RYR1: variants seen among roughly 807,000 people sequenced by gnomAD.
The protein encoded by RYR1 is ryanodine receptor 1, also known as central core disease of muscle.
In RYR1, 342 loss-of-function variants were observed where a neutral mutation model predicts 583.5. The ratio of observed to expected loss-of-function variants is 0.59; its 90% CI spans 0.54 to 0.64. The LOEUF is 0.64. RYR1 is among the 30% of genes least tolerant of loss of function. The pLI, the probability that RYR1 is intolerant of heterozygous loss-of-function variation, is 0.00. For synonymous variants in RYR1, 2,791 were observed against 2,822.5 expected (o/e 0.99, Z 0.35); for missense variants, 6,032 against 6,917.2 (o/e 0.87, Z 4.54).
intron 83 of RYR1, 31 bp downstream of exon 83, chr19:38,536,798 C>T: frequency 6.2e-7 from 1 of 1,612,276 alleles, no homozygotes; most frequent in Non-Finnish European, 8.5e-7. Flanking sequence ...CCGTGCTGTG[C>T]TGCTGTCACC....
At chr19:38,559,198 T>C (rs963385995) in intron 89 of RYR1, among the ~76,000 whole-genome samples, 1 of 150,262 alleles carries the variant, frequency 6.7e-6, no homozygotes, top group Non-Finnish European at 1.5e-5. Context: ...GAGGTGATAG[T>C]GTCCCAGGCG....
At chr19:38,575,060 C>T (rs571436889) in intron 96 of RYR1, among the ~76,000 whole-genome samples, 4 of 150,198 alleles carry the variant, frequency 2.7e-5, no homozygotes, top group Non-Finnish European at 4.4e-5. Flanking sequence ...AAAAAAAACT[C>T]GTTGGCCATA....
chr19:38,457,046 C>CAAAAAAAA (rs71165550), intron 16 of RYR1, among the ~76,000 whole-genome samples: 1 of 19,762 alleles, frequency 5.1e-5, no homozygotes, highest in African/African-American at 2.3e-4. Flanking sequence ...ACTCCATCTC[C>CAAAAAAAA]AAAAAAAAAA....
chr19:38,465,990 C>T (rs1466216547), intron 23 of RYR1, 101 bp from the exon 24 acceptor site: 2 of 1,162,214 alleles, frequency 1.7e-6, no homozygotes, highest in Non-Finnish European at 1.2e-6. Context: ...GTCAGAAACG[C>T]CGAAGCTGGG....
At chr19:38,535,494 GAA>G (rs1435710709) in intron 81 of RYR1, 102 bp downstream of exon 81, 1 of 895,740 alleles carries the variant, frequency 1.1e-6, no homozygotes, top group Non-Finnish European at 1.9e-6. Flanking sequence ...TCAGTCCAGG[GAA>G]AGAGACTCAC....
intron 20 of RYR1, among the ~76,000 whole-genome samples, 163 bp from the exon 21 acceptor site, chr19:38,463,260 A>G (rs925026296): frequency 1.3e-5 from 2 of 150,650 alleles, no homozygotes; most frequent in East Asian, 3.9e-4. Context: ...TCTGAGTGTC[A>G]ACCCTGGAGT....
At chr19:38,506,616 T>A in intron 56 of RYR1, 70 bp downstream of exon 56, 1 of 1,577,866 alleles carries the variant, frequency 6.3e-7, no homozygotes, top group Non-Finnish European at 8.7e-7. Flanking sequence ...ATTGCCTTCA[T>A]GCCCCTGAAA....
chr19:38,573,141 C>A (rs747372171), intron 95 of RYR1, 36 bp from the exon 96 acceptor site: 3 of 1,612,330 alleles, frequency 1.9e-6, no homozygotes, highest in Non-Finnish European at 2.5e-6. Flanking sequence ...AGCCAAGGTG[C>A]CTGACGCCCA....
chr19:38,505,973 A>C, intron 54 of RYR1, 27 bp downstream of exon 54: 1 of 1,547,648 alleles, frequency 6.5e-7, no homozygotes, highest in Non-Finnish European at 8.8e-7. Flanking sequence ...GGTGGAGGGC[A>C]GGGGCACGAT....
rs774022013 is a variant in RYR1, at chr19:38,469,324, C to T, written c.3576C>T (p.Ser1192=). The change falls in exon 27 of 106, where the codon AGC becomes AGT. Residue 1192 remains serine (S), a synonymous_variant. Transcript: ENST00000359596. ...EIGDGFLPVC[S]LGPGQVGHLN... Reference sequence around the variant, plus strand: ...CACCAGGCTTCCTGCCCGTCTGCAGCTTGGGACCTGGCCAGGTGGGTCATC... The same window carrying T: ...CACCAGGCTTCCTGCCCGTCTGCAGTTTGGGACCTGGCCAGGTGGGTCATC... The T allele has an allele frequency of 1.2e-6, 2 of 1,614,022 alleles. No homozygotes were observed. The highest frequency in any genetic ancestry group is 1.7e-6 in the Non-Finnish European group (2 of 1,180,032).
chr19:38,489,978 G>A (rs956027127), intron 35 of RYR1, 98 bp from the exon 36 acceptor site: 3 of 1,278,952 alleles, frequency 2.3e-6, no homozygotes, highest in Non-Finnish European at 2.3e-6. Flanking sequence ...CTGGACCTGG[G>A]CAGGGCCATG....
chr19:38,492,537 C>G lies in RYR1; in HGVS notation c.6175C>G (p.Leu2059Val). ...GGAGGAACCAGAGGAAGAGACCACC[C>G]TGGGCAGCCGCCTCATGAGCCTGTT... ...EEEEPEEETT[L>V]GSRLMSLLEK... Residue 2059 changes from leucine (L) to valine (V), a missense_variant, in exon 38 of 106, where the codon CTG becomes GTG. Physicochemically the swap from Leu to Val is conservative, Grantham distance 32. Around this residue, in one of 11 missense-constraint regions of RYR1, gnomAD observed 2,627 missense variants for 2,961.3 expected, o/e 0.89. Transcript: ENST00000359596. 6.2e-7 allele frequency: 1 copy of G among 1,614,070 alleles called. No homozygotes were observed. The highest frequency in any genetic ancestry group is 1.3e-5 in the African/African-American group (1 of 75,022).
At chr19:38,469,581 T>C (rs1968309288) in intron 27 of RYR1, 68 bp downstream of exon 27, 1 of 1,468,448 alleles carries the variant, frequency 6.8e-7, no homozygotes, top group African/African-American at 1.4e-5. Flanking sequence ...AGTGCTCTTC[T>C]TTGAGTTTCT....
intron 76 of RYR1, among the ~76,000 whole-genome samples, chr19:38,529,687 C>T (rs1568543613): frequency 6.6e-6 from 1 of 152,156 alleles, no homozygotes; most frequent in Non-Finnish European, 1.5e-5. Context: ...TGACAAATTT[C>T]CAACAGACAG....
chr19:38,566,718 G>A (rs1467271679), intron 91 of RYR1, among the ~76,000 whole-genome samples, 193 bp from the exon 92 acceptor site: 1 of 152,140 alleles, frequency 6.6e-6, no homozygotes, highest in South Asian at 2.1e-4. Flanking sequence ...TTTGGGCAAA[G>A]GGCTTCACCT....
intron 76 of RYR1, among the ~76,000 whole-genome samples, chr19:38,530,856 G>A (rs1971700505): frequency 6.6e-6 from 1 of 151,854 alleles, no homozygotes; most frequent in Non-Finnish European, 1.5e-5. Context: ...AGGCTGGAGT[G>A]CAATGGCGCA....
At chr19:38,506,148 G>A (rs1458772752) in intron 54 of RYR1, among the ~76,000 whole-genome samples, 155 bp from the exon 55 acceptor site, 1 of 151,220 alleles carries the variant, frequency 6.6e-6, no homozygotes, top group Non-Finnish European at 1.5e-5. Context: ...GAAGGATGGG[G>A]TGGTTTAGAG....
chr19:38,541,572 C>T (rs867338744), intron 84 of RYR1, among the ~76,000 whole-genome samples: 15 of 152,052 alleles, frequency 9.9e-5, no homozygotes, highest in African/African-American at 2.4e-4. Flanking sequence ...AAAAATTAGC[C>T]GGGCGTGGTG....
In RYR1 at chr19:38,519,824, G is replaced by A. The variant is rs1330961160; in HGVS notation, c.10259+370G>A. ...CTTCCCAGTAGCTAGGATTACAGGT[G>A]CATGCCACCACGCCCAGCTAAGTTT... is the stretch of plus-strand genomic sequence containing the variant. On this transcript the variant is annotated intron_variant, in intron 67 of 105. Coordinates refer to ENST00000359596, the MANE Select transcript of RYR1 (RefSeq NM_000540.3). Among the ~76,000 whole-genome samples the A allele has an allele frequency of 3.9e-5, 6 of 151,974 alleles. No homozygotes were observed. In the South Asian group the frequency reaches 1.0e-3, roughly 26 times the overall value.
Sources: gnomAD v4.1 joint callset for allele counts (sites outside exome capture counted in the v4.1 genomes callset) on GRCh38, gnomAD v4.1.1 for gene constraint, gnomAD v4.1.1 regional missense constraint, MANE v1.5 for transcripts, NCBI Gene and HGNC (gene_info 2026-07-23, HGNC 2026-07-21) for gene names.